The following WIPF1 variants were observed in gnomAD, a reference collection of about 807,000 sequenced individuals.
WIPF1 encodes the protein WAS/WASL interacting protein family member 1.
In WIPF1, 13 loss-of-function variants were observed where a neutral mutation model predicts 35.4. The observed-to-expected ratio is 0.37, with a 90% CI of 0.24 to 0.58. The LOEUF is 0.58. WIPF1 is among the 20% of genes least tolerant of loss of function. WIPF1 has a pLI of 0.74. For missense variants in WIPF1, 591 were observed against 667.0 expected, an observed-to-expected ratio of 0.89 and a Z score of 1.25; for synonymous variants, 267 against 266.3, an observed-to-expected ratio of 1.00 and a Z score of -0.02.
At chr2:174,567,296 T>A in intron 6 of WIPF1, 113 bp from the exon 7 acceptor site, 1 of 987,014 alleles carries the variant, frequency 1.0e-6, no homozygotes, top group South Asian at 1.6e-5. Context: ...AGTGCTAGTT[T>A]TTATGCCTAG....
chr2:174,650,050 G>A (rs1235806500), intron 1 of WIPF1, among the ~76,000 whole-genome samples: 1 of 152,156 alleles, frequency 6.6e-6, no homozygotes, highest in Admixed American at 6.5e-5. Context: ...AGCTGATGAA[G>A]TAAAGATGAG....
chr2:174,629,766 T>C (rs966234304), intron 1 of WIPF1: 13 of 152,270 alleles, frequency 8.5e-5, no homozygotes, highest in African/African-American at 3.1e-4. Context: ...TGGTGAGGTA[T>C]TGAGCAGCCC....
chr2:174,595,756 G>A (rs1685803412), intron 1 of WIPF1, among the ~76,000 whole-genome samples: 1 of 152,302 alleles, frequency 6.6e-6, no homozygotes, highest in Admixed American at 6.5e-5. Context: ...AAAGCATACT[G>A]ATTAAGGCAT....
intron 1 of WIPF1, among the ~76,000 whole-genome samples, chr2:174,673,116 CAAGAG>C (rs986339270): frequency 8.5e-5 from 13 of 152,140 alleles, no homozygotes; most frequent in Non-Finnish European, 1.5e-4. Context: ...CAGTATGCCG[CAAGAG>C]AAAAGGTGCC....
intron 7 of WIPF1, chr2:174,566,866 A>G: frequency 1.9e-6 from 1 of 524,494 alleles, no homozygotes; most frequent in South Asian, 3.1e-5. Flanking sequence ...TTGTAATGAC[A>G]CATTAAAATA....
chr2:174,664,923 G>A (rs1198695588), intron 1 of WIPF1, among the ~76,000 whole-genome samples: 2 of 152,082 alleles, frequency 1.3e-5, no homozygotes, highest in Non-Finnish European at 2.9e-5. Flanking sequence ...ATGAGCCACC[G>A]CGCCAGGCCT....
Position 174,618,963 on chromosome 2 carries a change from C to G in WIPF1, c.-38-33352G>C, listed in dbSNP as rs867851307. ...TAACTGACACATACACACACACACA[C>G]GCACACAGAGTTTTTGAGAAAGGGT... On this transcript the variant is annotated intron_variant, in intron 1 of 8. Coordinates refer to the WIPF1 transcript ENST00000272746. Among the ~76,000 whole-genome samples, 29 of 152,088 alleles carry G rather than the reference C, an allele frequency of 1.9e-4. No individual in the cohort carries two copies. In the South Asian group the frequency reaches 2.9e-3, roughly 15 times the overall value.
At chr2:174,574,486 C>T (rs146524606) in intron 4 of WIPF1, among the ~76,000 whole-genome samples, 16 of 152,214 alleles carry the variant, frequency 1.1e-4, no homozygotes, top group African/African-American at 3.9e-4. Flanking sequence ...TATAAAAGGT[C>T]TAAAAATGAA....
chr2:174,575,214 G>A lies in WIPF1; in HGVS notation c.348C>T (p.Asn116=). ...AGMPKLRSTA[N]RDNDSGGSRP... ...GGAAACTCTCCTTACCATTATCCCT[G>A]TTGGCCGTGGATCTCAGCTTCGGCA... The change falls in exon 4 of 8, where the codon AAC becomes AAT. Residue 116 remains asparagine, a synonymous_variant. Transcript: ENST00000679041. 1 of 1,610,900 alleles carries A rather than the reference G, an allele frequency of 6.2e-7. No homozygotes were observed. Among genetic ancestry groups the A allele is most frequent in the South Asian group, 1.1e-5 (1 of 90,734 alleles).
intron 1 of WIPF1, among the ~76,000 whole-genome samples, chr2:174,659,121 C>A (rs1469194565): frequency 6.6e-6 from 1 of 152,160 alleles, no homozygotes; most frequent in Non-Finnish European, 1.5e-5. Flanking sequence ...AGCCATTCCT[C>A]AGAAAGTCAA....
intron 1 of WIPF1, among the ~76,000 whole-genome samples, chr2:174,647,371 C>CT (rs1423203625): frequency 6.6e-6 from 1 of 150,688 alleles, no homozygotes; most frequent in African/African-American, 2.5e-5. Context: ...CAGTGAGATG[C>CT]TGTTTTTTTT....
At chr2:174,645,395 T>C (rs1248944873) in intron 1 of WIPF1, among the ~76,000 whole-genome samples, 1 of 152,152 alleles carries the variant, frequency 6.6e-6, no homozygotes, top group African/African-American at 2.4e-5. Flanking sequence ...CTGAGAGAAA[T>C]TTAAACCCAT....
intron 1 of WIPF1, among the ~76,000 whole-genome samples, chr2:174,674,192 G>A (rs901911557): frequency 5.3e-5 from 8 of 152,174 alleles, no homozygotes; most frequent in East Asian, 1.9e-4. Context: ...AGCAATGAGC[G>A]CAAGGACTTT....
intron 1 of WIPF1, among the ~76,000 whole-genome samples, chr2:174,628,611 T>C (rs1686921021): frequency 6.6e-6 from 1 of 152,224 alleles, no homozygotes. Context: ...AAATCTTCAA[T>C]CTGTTACTCT....
intron 1 of WIPF1, among the ~76,000 whole-genome samples, chr2:174,639,385 C>A (rs1250835826): frequency 6.6e-6 from 1 of 152,130 alleles, no homozygotes. Flanking sequence ...TCTTGAGTAG[C>A]TGAGATTAGA....
chr2:174,638,813 C>T (rs182543233), intron 1 of WIPF1, among the ~76,000 whole-genome samples: 1 of 152,280 alleles, frequency 6.6e-6, no homozygotes, highest in African/African-American at 2.4e-5. Context: ...ATTCCCACAT[C>T]TTGGCTATTG....
At chr2:174,568,239 A>C (rs1684726404) in intron 5 of WIPF1, among the ~76,000 whole-genome samples, 166 bp from the exon 6 acceptor site, 2 of 152,140 alleles carry the variant, frequency 1.3e-5, no homozygotes, top group African/African-American at 4.8e-5. Flanking sequence ...GAAACACAAA[A>C]ATTGCACATG....
intron 2 of WIPF1, among the ~76,000 whole-genome samples, chr2:174,584,995 G>A (rs776237270): frequency 3.9e-5 from 6 of 152,174 alleles, no homozygotes; most frequent in Non-Finnish European, 5.9e-5. Flanking sequence ...AGATTTAAAG[G>A]AGGATGTGAA....
intron 1 of WIPF1, among the ~76,000 whole-genome samples, chr2:174,659,777 C>T (rs952283900): frequency 6.6e-6 from 1 of 152,190 alleles, no homozygotes; most frequent in South Asian, 2.1e-4. Flanking sequence ...TAAAACCTAA[C>T]GATTTCCCAT....
Sources: allele counts gnomAD v4.1 joint callset (sites outside exome capture counted in the v4.1 genomes callset), GRCh38; gene constraint gnomAD v4.1.1; transcripts MANE v1.5; gene names NCBI Gene and HGNC (gene_info 2026-07-23, HGNC 2026-07-21).